The following CLDN14 variants were observed in gnomAD, a reference collection of about 807,000 sequenced individuals.
The protein encoded by CLDN14 is claudin-14.
A neutral mutation model predicts 2.1 loss-of-function variants in CLDN14; 2 were observed. The observed-to-expected ratio is 0.96, with a 90% confidence interval of 0.39 to 3.01. CLDN14 has a LOEUF of 3.01. Ranked by LOEUF, CLDN14 falls within the 30% of genes most tolerant of loss-of-function variation. The pLI is 0.09. For missense variants in CLDN14, 298 were observed against 328.0 expected, an observed-to-expected ratio of 0.91 and a Z score of 0.71; for synonymous variants, 136 against 154.4, an observed-to-expected ratio of 0.88 and a Z score of 0.88.
intron 1 of CLDN14, among the ~76,000 whole-genome samples, chr21:36,555,396 G>A (rs532732576): frequency 6.6e-6 from 1 of 152,344 alleles, no homozygotes; most frequent in Non-Finnish European, 1.5e-5. Flanking sequence ...CCCTGCACGG[G>A]GTGCGCTGTT....
intron 2 of CLDN14, among the ~76,000 whole-genome samples, chr21:36,490,064 C>T (rs1168514446): frequency 1.3e-5 from 2 of 152,198 alleles, no homozygotes; most frequent in Non-Finnish European, 1.5e-5. Context: ...GCTGCGGCCT[C>T]GCTGGAAGCA....
intron 1 of CLDN14, among the ~76,000 whole-genome samples, chr21:36,553,726 GACCTGCTACAGTCAGCAGC>G (rs1384854970): frequency 6.6e-6 from 1 of 151,852 alleles, no homozygotes; most frequent in Non-Finnish European, 1.5e-5. Flanking sequence ...CAGTCAGCAG[GACCTGCTACAGTCAGCAGC>G]ACCTGCCAAG....
At position 36,470,688 on chromosome 21, in the gene CLDN14, G is replaced by T. The variant is rs554117057; in HGVS notation, c.-82+8807C>A. 2.6e-5 allele frequency among the ~76,000 whole-genome samples: 4 copies of T among 152,296 alleles called. No individual in the cohort carries two copies. In the East Asian group the frequency reaches 5.8e-4, roughly 22 times the overall value. On this transcript the variant is annotated intron_variant, in intron 1 of 1. Transcript: ENST00000399135. The stretch of plus-strand genomic sequence containing the variant: ...TGGCACGGGGAATTACAGAGAAAAT[G>T]CTCGGCCAGGCCCCATGGCACAGGC...
intron 1 of CLDN14, among the ~76,000 whole-genome samples, chr21:36,562,986 T>C (rs1227750888): frequency 6.6e-6 from 1 of 152,212 alleles, no homozygotes; most frequent in East Asian, 1.9e-4. Flanking sequence ...GTCACCTTCA[T>C]CTAAACATGA....
intron 1 of CLDN14, among the ~76,000 whole-genome samples, chr21:36,524,150 G>A (rs973565734): frequency 6.6e-6 from 1 of 150,750 alleles, no homozygotes; most frequent in Admixed American, 6.6e-5. Flanking sequence ...GGTCTCACTT[G>A]CTCTGTCGCC....
intron 2 of CLDN14, among the ~76,000 whole-genome samples, chr21:36,506,642 AG>A (rs1334696297): frequency 6.6e-6 from 1 of 151,554 alleles, no homozygotes; most frequent in Non-Finnish European, 1.5e-5. Context: ...TGTCATGCAG[AG>A]AGACCTTCTG....
intron 1 of CLDN14, among the ~76,000 whole-genome samples, chr21:36,512,111 G>A (rs2078145068): frequency 6.6e-6 from 1 of 152,192 alleles, no homozygotes; most frequent in Admixed American, 6.5e-5. Context: ...TAATGTCTAA[G>A]TTTGCAGGTA....
chr21:36,461,678 C>T lies in CLDN14; in HGVS notation c.18G>A (p.Val6=), dbSNP rs387907417. Residue 6 remains valine, a synonymous_variant, in exon 2 of 2, where the codon GTG becomes GTA. Coordinates refer to ENST00000399135, the MANE Select transcript of CLDN14 (RefSeq NM_001146079.2). MASTA[V]QLLGFLLSFL... is the part of the protein sequence containing the mutation. ...AGCTGAGCAGGAAGCCCAGAAGCTGCACGGCCGTGCTGGCCATGGTGCGGC... is the reference window on the plus strand; with the variant it reads ...AGCTGAGCAGGAAGCCCAGAAGCTGTACGGCCGTGCTGGCCATGGTGCGGC... 1.0e-5 allele frequency: 16 copies of T among 1,553,328 alleles called. No homozygotes were observed. The highest frequency in any genetic ancestry group is 1.9e-5 in the Admixed American group (1 of 51,310).
chr21:36,517,174 AAAG>A (rs2087235068), intron 1 of CLDN14, among the ~76,000 whole-genome samples: 1 of 152,218 alleles, frequency 6.6e-6, no homozygotes, highest in Non-Finnish European at 1.5e-5. Context: ...AAAAAAATTA[AAAG>A]AAGAATATCT....
intron 2 of CLDN14, among the ~76,000 whole-genome samples, chr21:36,503,403 C>G (rs1008067499): frequency 6.6e-6 from 1 of 152,126 alleles, no homozygotes; most frequent in East Asian, 1.9e-4. Flanking sequence ...AATTCCCATG[C>G]GTTGTGGGAG....
chr21:36,533,077 C>T (rs915752537), intron 1 of CLDN14, among the ~76,000 whole-genome samples: 1 of 152,194 alleles, frequency 6.6e-6, no homozygotes, highest in African/African-American at 2.4e-5. Flanking sequence ...GTAAATTCAG[C>T]GTGGTCTGAA....
intron 1 of CLDN14, among the ~76,000 whole-genome samples, chr21:36,511,424 G>A (rs566350041): frequency 6.6e-6 from 1 of 152,290 alleles, no homozygotes; most frequent in East Asian, 1.9e-4. Context: ...CAATTCAGTT[G>A]TAGATGTCTT....
chr21:36,492,089 A>C (rs2086971002), intron 2 of CLDN14, among the ~76,000 whole-genome samples: 1 of 151,626 alleles, frequency 6.6e-6, no homozygotes, highest in South Asian at 2.1e-4. Flanking sequence ...GGATTGCTTG[A>C]GGTTGGTAGT....
Position 36,479,877 on chromosome 21 carries a change from C to G in CLDN14, c.-464G>C, listed in dbSNP as rs1047171616. ...AACACGCGCTCAGGATCAAGCCTCCCCTTCCCAGCCTGGCAGGGTTGCAGG... is the reference window on the plus strand; with the variant it reads ...AACACGCGCTCAGGATCAAGCCTCCGCTTCCCAGCCTGGCAGGGTTGCAGG... On this transcript the variant is annotated 5_prime_UTR_variant, in exon 1 of 2. Transcript: ENST00000399135. The G allele has an allele frequency of 6.6e-6, 1 of 152,368 alleles. No homozygotes were observed. The highest frequency in any genetic ancestry group is 6.5e-5 in the Admixed American group (1 of 15,282). 9.4% of individuals were successfully genotyped at this position (152,368 alleles called of 1,614,324 possible).
At chr21:36,545,620 T>TA (rs983109581) in intron 1 of CLDN14, among the ~76,000 whole-genome samples, 7 of 152,336 alleles carry the variant, frequency 4.6e-5, no homozygotes, top group African/African-American at 1.7e-4. Context: ...GAAATATTTA[T>TA]AAAAAAGGCT....
intron 1 of CLDN14, among the ~76,000 whole-genome samples, chr21:36,468,297 C>A (rs370059267): frequency 6.6e-6 from 1 of 152,152 alleles, no homozygotes; most frequent in African/African-American, 2.4e-5. Flanking sequence ...ATGCTTTAGG[C>A]TGGAGATGGT....
intron 1 of CLDN14, among the ~76,000 whole-genome samples, chr21:36,464,187 CCTT>C (rs1414215385): frequency 6.6e-6 from 1 of 152,168 alleles, no homozygotes; most frequent in African/African-American, 2.4e-5. Flanking sequence ...CTCTCTTCCT[CCTT>C]CTCCGGCCGT....
intron 1 of CLDN14, among the ~76,000 whole-genome samples, chr21:36,463,913 C>T (rs1048141589): frequency 6.6e-6 from 1 of 152,076 alleles, no homozygotes; most frequent in Non-Finnish European, 1.5e-5. Context: ...GGTGAATGAA[C>T]AAACAAAAAT....
intron 1 of CLDN14, among the ~76,000 whole-genome samples, chr21:36,520,006 A>G (rs2087258354): frequency 6.6e-6 from 1 of 152,172 alleles, no homozygotes; most frequent in African/African-American, 2.4e-5. Context: ...ATAGTAATGT[A>G]TTCTCTCACA....
Sources: allele counts gnomAD v4.1 joint callset (sites outside exome capture counted in the v4.1 genomes callset), GRCh38; gene constraint gnomAD v4.1.1; transcripts MANE v1.5; gene names NCBI Gene and HGNC (gene_info 2026-07-23, HGNC 2026-07-21).